The following PCDHGA1 variants were observed in gnomAD, a reference collection of about 807,000 sequenced individuals.
The protein encoded by PCDHGA1 is protocadherin gamma-A1.
Under a neutral mutation model 58.0 loss-of-function variants are expected in PCDHGA1, and 32 were observed. The observed-to-expected ratio is 0.55, with a 90% CI of 0.42 to 0.74. The LOEUF (loss-of-function observed/expected upper bound fraction) is 0.74, where lower values mean the gene tolerates loss of function less well. PCDHGA1 is among the 30% of genes least tolerant of loss of function. PCDHGA1 has a pLI of 0.00. For missense variants in PCDHGA1, 1,205 were observed against 1,182.3 expected (o/e 1.02, Z -0.28); for synonymous variants, 498 against 501.1 (o/e 0.99, Z 0.08).
rs1292946472 is a variant in PCDHGA1 at position 141,382,951 on chromosome 5, A to G, written c.2421+49846A>G. 2 of 1,600,898 alleles carry G rather than the reference A, an allele frequency of 1.2e-6. No homozygotes were observed. The highest frequency in any genetic ancestry group is 1.7e-6 in the Non-Finnish European group (2 of 1,171,390). On this transcript the variant is annotated intron_variant, in intron 1 of 3. Coordinates refer to ENST00000517417, the MANE Select transcript of PCDHGA1 (RefSeq NM_018912.3). ...CTACAGAGGATTCTTCCTGCTCTCCATCCTCCTGGGGACCCCCTGGGAAGC... is the reference window on the plus strand; with the variant it reads ...CTACAGAGGATTCTTCCTGCTCTCCGTCCTCCTGGGGACCCCCTGGGAAGC...
At chr5:141,372,494 A>T in intron 1 of PCDHGA1, 1 of 1,613,974 alleles carries the variant, frequency 6.2e-7, no homozygotes, top group Non-Finnish European at 8.5e-7. Flanking sequence ...CCTTGATCTC[A>T]GTGCTCTTCC....
chr5:141,360,392 T>G (rs765496414), intron 1 of PCDHGA1: 106 of 1,613,788 alleles, frequency 6.6e-5, no homozygotes, highest in Non-Finnish European at 8.9e-5. Context: ...GACTTACTTG[T>G]GAGTGACAGA....
rs763743728 is a variant in PCDHGA1, at chr5:141,398,890, G to C, written c.2421+65785G>C. On this transcript the variant is annotated intron_variant, in intron 1 of 3. Coordinates refer to ENST00000517417, the MANE Select transcript of PCDHGA1 (RefSeq NM_018912.3). ...GTACAGAGTCAGCCTTCGGGAAAAC[G>C]TGCCACCAGGCACCACTGTGTTGCA... is the stretch of plus-strand genomic sequence containing the variant. 2.5e-6 allele frequency: 4 copies of C among 1,613,920 alleles called. No homozygotes were observed. The South Asian group carries it at 3.3e-5, about 13-fold the overall frequency.
intron 1 of PCDHGA1, 132 bp downstream of exon 1, chr5:141,333,237 G>A: frequency 7.6e-7 from 1 of 1,320,400 alleles, no homozygotes; most frequent in Non-Finnish European, 1.0e-6. Context: ...TACAAGTCCT[G>A]CAAAATCACG....
In PCDHGA1 at chr5:141,374,472, C is replaced by T. The variant is rs749966400; in HGVS notation, c.2421+41367C>T. The T allele has an allele frequency of 5.0e-6, 8 of 1,612,276 alleles. No individual in the cohort carries two copies. The South Asian group carries it at 7.7e-5, about 15-fold the overall frequency. ...GAAATAGTGGACATTAATGACAATA[C>T]ACCCCGATTCTTAAAGGAAGAATTG... On this transcript the variant is annotated intron_variant, in intron 1 of 3. Transcript: ENST00000517417.
chr5:141,409,748 G>A (rs2095311209), intron 1 of PCDHGA1: 1 of 1,613,018 alleles, frequency 6.2e-7, no homozygotes, highest in Non-Finnish European at 8.5e-7. Context: ...GGTGGTGTTC[G>A]CGCAGCGCGC....
At chr5:141,339,492 C>T in intron 1 of PCDHGA1, 1 of 1,614,196 alleles carries the variant, frequency 6.2e-7, no homozygotes, top group Non-Finnish European at 8.5e-7. Flanking sequence ...GCACTCAACC[C>T]AAATGACCAC....
rs1031996605 is a variant in PCDHGA1, at chr5:141,487,055, G to C, written c.2422-7752G>C. ...TGCAGTCTCTCGATATGCTGGGGAG[G>C]TGCGGACGGCTGTTCCTATCCCAGC... is the stretch of plus-strand genomic sequence containing the variant. On this transcript the variant is annotated intron_variant, in intron 1 of 3. Transcript: ENST00000517417. The surrounding 1 kb of genome is among the most constrained non-coding windows in gnomAD (Gnocchi z 5.0). The C allele has an allele frequency of 6.2e-7, 1 of 1,614,186 alleles. No individual in the cohort carries two copies. The highest frequency in any genetic ancestry group is 8.5e-7 in the Non-Finnish European group (1 of 1,180,038).
intron 1 of PCDHGA1, chr5:141,404,186 C>A (rs767632448): frequency 1.2e-6 from 2 of 1,612,966 alleles, no homozygotes; most frequent in Middle Eastern, 1.6e-4. Flanking sequence ...AATTCTTGAC[C>A]GAGAAAAAGC....
At chr5:141,480,698 C>T (rs1394538159) in intron 1 of PCDHGA1, among the ~76,000 whole-genome samples, 1 of 152,198 alleles carries the variant, frequency 6.6e-6, no homozygotes, top group Admixed American at 6.5e-5. Context: ...ACCCAGGCCA[C>T]ACCCCGACAA....
At chr5:141,424,198 C>A (rs116187844) in intron 1 of PCDHGA1, 2 of 181,904 alleles carry the variant, frequency 1.1e-5, no homozygotes, top group South Asian at 1.9e-4. Context: ...CACTTATACA[C>A]GTAAGCTTTT....
rs1432960207 is a variant in PCDHGA1, at chr5:141,477,648, C to A, written c.2422-17159C>A. On this transcript the variant is annotated intron_variant, in intron 1 of 3. Coordinates refer to ENST00000517417, the MANE Select transcript of PCDHGA1 (RefSeq NM_018912.3). This position sits in a 1 kb window ranked among gnomAD's most constrained non-coding sequence, Gnocchi z 4.9. ...ACCGGGCTAGTGGGTCGCTATTTCA[C>A]AATAAATCGTGACAATGGCATAGTG... is the stretch of plus-strand genomic sequence containing the variant. 7 of 1,614,046 alleles carry A rather than the reference C, an allele frequency of 4.3e-6. No homozygotes were observed. Among genetic ancestry groups the A allele is most frequent in the Non-Finnish European group, 5.9e-6 (7 of 1,180,044 alleles).
intron 1 of PCDHGA1, chr5:141,384,514 G>A: frequency 1.2e-6 from 2 of 1,614,194 alleles, no homozygotes; most frequent in Non-Finnish European, 1.7e-6. Flanking sequence ...TGACAGCGGG[G>A]ACCCGCCTCT....
rs370704204 is a variant in PCDHGA1, at chr5:141,389,625, G to A, written c.2421+56520G>A. On this transcript the variant is annotated intron_variant, in intron 1 of 3. Coordinates refer to ENST00000517417, the MANE Select transcript of PCDHGA1 (RefSeq NM_018912.3). The stretch of plus-strand genomic sequence containing the variant: ...CTTCGATATGGTGCCGCACGCTGCA[G>A]AGCCTGGCTACTTGGTGACCAAGGT... 6 of 1,613,020 alleles carry A rather than the reference G, an allele frequency of 3.7e-6. No individual in the cohort carries two copies. The Admixed American group carries it at 5.0e-5, about 13-fold the overall frequency.
intron 1 of PCDHGA1, among the ~76,000 whole-genome samples, chr5:141,347,178 T>TCTTTCTTC (rs1206614279): frequency 1.6e-4 from 23 of 146,636 alleles, no homozygotes; most frequent in African/African-American, 9.9e-5. Context: ...TTTCTTTCTT[T>TCTTTCTTC]CTTGACAGGG....
intron 1 of PCDHGA1, chr5:141,384,651 C>G (rs138410124): frequency 1.2e-6 from 2 of 1,614,076 alleles, no homozygotes; most frequent in Non-Finnish European, 1.7e-6. Context: ...CCGCAGAGCC[C>G]GGCTACCTGG....
chr5:141,426,998 A>C (rs981827933), intron 1 of PCDHGA1: 8 of 456,664 alleles, frequency 1.8e-5, no homozygotes, highest in African/African-American at 1.6e-4. Flanking sequence ...ATAATGCCCC[A>C]GTTTTTAGCC....
At chr5:141,421,913 T>C in intron 1 of PCDHGA1, 1 of 1,613,710 alleles carries the variant, frequency 6.2e-7, no homozygotes, top group Non-Finnish European at 8.5e-7. Context: ...GCAGTTCCCA[T>C]TCGTGTGGTG....
At position 141,478,147 on chromosome 5, in the gene PCDHGA1, C is replaced by T. The variant is rs199689679; in HGVS notation, c.2422-16660C>T. On this transcript the variant is annotated intron_variant, in intron 1 of 3. Transcript: ENST00000517417. The stretch of plus-strand genomic sequence containing the variant: ...ACTCTCCTGAAGCCCGAGCCGAGTT[C>T]CCCTCTGGCTCTGCCCCCCGGGAGC... The T allele has an allele frequency of 2.0e-5, 32 of 1,614,076 alleles. 1 individual carries two copies. In the East Asian group the frequency reaches 5.3e-4, roughly 27 times the overall value.
Sources: allele counts gnomAD v4.1 joint callset (sites outside exome capture counted in the v4.1 genomes callset), GRCh38; gene constraint gnomAD v4.1.1; non-coding constraint Gnocchi (gnomAD v3.1); transcripts MANE v1.5; gene names NCBI Gene and HGNC (gene_info 2026-07-23, HGNC 2026-07-21).